Variants in GPC5 observed in about 807,000 individuals in gnomAD.
GPC5 encodes the protein glypican-5.
A neutral mutation model predicts 53.9 loss-of-function variants in GPC5; 47 were observed. The observed-to-expected ratio is 0.87, with a 90% CI of 0.69 to 1.11. GPC5 has a LOEUF of 1.11. GPC5 is among the 50% of genes most tolerant of loss of function. The pLI is 0.00. For synonymous variants in GPC5, 286 were observed against 263.3 expected (o/e 1.09, Z -0.84); for missense variants, 748 against 713.1 (o/e 1.05, Z -0.56).
At chr13:92,434,927 T>G (rs1429483114) in intron 7 of GPC5, among the ~76,000 whole-genome samples, 1 of 152,194 alleles carries the variant, frequency 6.6e-6, no homozygotes, top group Non-Finnish European at 1.5e-5. Flanking sequence ...AACTAATATT[T>G]TTTTTGAGAC....
chr13:91,833,924 T>A (rs1466528523), intron 5 of GPC5, among the ~76,000 whole-genome samples: 1 of 152,100 alleles, frequency 6.6e-6, no homozygotes, highest in Non-Finnish European at 1.5e-5. Flanking sequence ...AAATAAAGTG[T>A]ATTCAAATAG....
chr13:91,926,940 T>C (rs1439895557), intron 6 of GPC5, among the ~76,000 whole-genome samples: 2 of 152,218 alleles, frequency 1.3e-5, no homozygotes. Flanking sequence ...GATCCATCTT[T>C]GTGTACAGAT....
intron 7 of GPC5, among the ~76,000 whole-genome samples, chr13:92,145,393 C>A (rs142946509): frequency 6.6e-6 from 1 of 151,792 alleles, no homozygotes; most frequent in South Asian, 2.1e-4. Flanking sequence ...CTTTATTGCA[C>A]TTCTATCATA....
intron 7 of GPC5, among the ~76,000 whole-genome samples, chr13:92,825,001 TAAATC>T (rs1333575144): frequency 6.6e-6 from 1 of 152,154 alleles, no homozygotes; most frequent in Non-Finnish European, 1.5e-5. Flanking sequence ...TTTTCTTTCT[TAAATC>T]AATCAACACG....
Position 91,930,358 on chromosome 13 carries a change from G to A in GPC5, c.1401+22301G>A, listed in dbSNP as rs570543443. Reference sequence around the variant, plus strand: ...ACACATATCCAACCTCAAATATAAAGCATGGAATTCTTATATGAACTCTAT... The same window carrying A: ...ACACATATCCAACCTCAAATATAAAACATGGAATTCTTATATGAACTCTAT... On this transcript the variant is annotated intron_variant, in intron 6 of 7. Transcript: ENST00000377067. 4.6e-5 allele frequency among the ~76,000 whole-genome samples: 7 copies of A among 151,940 alleles called. No individual in the cohort carries two copies. In the East Asian group the frequency reaches 1.4e-3, roughly 29 times the overall value.
intron 7 of GPC5, among the ~76,000 whole-genome samples, chr13:92,691,308 G>A (rs1193541320): frequency 3.0e-5 from 4 of 132,882 alleles, no homozygotes; most frequent in Non-Finnish European, 6.3e-5. Flanking sequence ...CGCAATATTC[G>A]GGTGGGAGTG....
chr13:91,507,098 A>G (rs1303847684), intron 2 of GPC5, among the ~76,000 whole-genome samples: 2 of 152,130 alleles, frequency 1.3e-5, no homozygotes, highest in Non-Finnish European at 2.9e-5. Flanking sequence ...AGAATACCAT[A>G]GACTGAGTGG....
At chr13:92,576,767 C>G (rs1443266101) in intron 7 of GPC5, among the ~76,000 whole-genome samples, 1 of 152,116 alleles carries the variant, frequency 6.6e-6, no homozygotes, top group Non-Finnish European at 1.5e-5. Context: ...TCAGACAGTT[C>G]CAGCCCACAT....
intron 5 of GPC5, among the ~76,000 whole-genome samples, chr13:91,828,178 ATTACT>A (rs1351344639): frequency 1.3e-5 from 2 of 152,068 alleles, no homozygotes; most frequent in Non-Finnish European, 2.9e-5. Context: ...ACTTTCTCAG[ATTACT>A]TTAATGTTTC....
intron 6 of GPC5, among the ~76,000 whole-genome samples, chr13:92,000,538 G>A (rs190042657): frequency 2.3e-4 from 35 of 151,960 alleles, no homozygotes; most frequent in African/African-American, 8.4e-4. Flanking sequence ...TTTTTTGTTG[G>A]CATTGTGTTT....
intron 3 of GPC5, among the ~76,000 whole-genome samples, chr13:91,694,170 TA>T (rs1212930089): frequency 6.6e-6 from 1 of 152,148 alleles, no homozygotes; most frequent in Non-Finnish European, 1.5e-5. Context: ...TGAAATTAGG[TA>T]AGTCCCTTTG....
intron 5 of GPC5, among the ~76,000 whole-genome samples, chr13:91,808,743 G>A (rs374163377): frequency 6.6e-6 from 1 of 152,060 alleles, no homozygotes; most frequent in African/African-American, 2.4e-5. Flanking sequence ...TACTGCTTAG[G>A]ACACGGCTTG....
chr13:92,511,557 T>C (rs184674818), intron 7 of GPC5, among the ~76,000 whole-genome samples: 12 of 152,332 alleles, frequency 7.9e-5, no homozygotes, highest in Non-Finnish European at 1.3e-4. Context: ...GATTAAATGA[T>C]ACCTCTGTTG....
chr13:92,275,765 C>G (rs1390306857), intron 7 of GPC5, among the ~76,000 whole-genome samples: 2 of 152,008 alleles, frequency 1.3e-5, no homozygotes, highest in Non-Finnish European at 2.9e-5. Flanking sequence ...TCCATCGTTA[C>G]CAAGGATAAA....
chr13:92,610,878 AT>A (rs112329420), intron 7 of GPC5, among the ~76,000 whole-genome samples: 3,572 of 151,954 alleles, frequency 0.024, 141 homozygotes, highest in African/African-American at 0.081. Flanking sequence ...GGTCTCTCCC[AT>A]TGACACATGG....
chr13:91,476,208 GCCAT>G (rs1256698086), intron 2 of GPC5, among the ~76,000 whole-genome samples: 3 of 152,130 alleles, frequency 2.0e-5, no homozygotes, highest in African/African-American at 4.8e-5. Flanking sequence ...CCCGTTCCCA[GCCAT>G]GACAGCCCAA....
chr13:91,408,394 T>A (rs1877484566), intron 1 of GPC5, among the ~76,000 whole-genome samples: 1 of 152,186 alleles, frequency 6.6e-6, no homozygotes, highest in African/African-American at 2.4e-5. Flanking sequence ...AGCATTTCCT[T>A]ATTTTTTATG....
At chr13:91,752,042 G>T (rs1025658973) in intron 4 of GPC5, among the ~76,000 whole-genome samples, 6 of 152,122 alleles carry the variant, frequency 3.9e-5, no homozygotes, top group Non-Finnish European at 5.9e-5. Context: ...TTCTGCAGAG[G>T]CTTCTCTCCT....
At chr13:92,395,922 G>C (rs993820643) in intron 7 of GPC5, among the ~76,000 whole-genome samples, 1 of 119,060 alleles carries the variant, frequency 8.4e-6, no homozygotes, top group Non-Finnish European at 1.8e-5. Flanking sequence ...TTTTTTTTTT[G>C]TATTTTTCTT....
Sources: allele counts gnomAD v4.1 joint callset (sites outside exome capture counted in the v4.1 genomes callset), GRCh38; gene constraint gnomAD v4.1.1; transcripts MANE v1.5; gene names NCBI Gene and HGNC (gene_info 2026-07-23, HGNC 2026-07-21).